MCMDC2: variants seen among roughly 807,000 people sequenced by gnomAD.
MCMDC2 encodes minichromosome maintenance domain containing 2.
In MCMDC2, 54 loss-of-function variants were observed where a neutral mutation model predicts 75.8. The observed-to-expected ratio is 0.71, with a 90% CI of 0.57 to 0.89. The LOEUF (loss-of-function observed/expected upper bound fraction) is 0.89. MCMDC2 is among the 40% of genes least tolerant of loss of function. MCMDC2 has a pLI of 0.00. For missense variants in MCMDC2, 656 were observed against 780.4 expected (o/e 0.84, Z 1.90); for synonymous variants, 249 against 274.6 (o/e 0.91, Z 0.92).
chr8:66,901,373 A>T, intron 13 of MCMDC2, 25 bp downstream of exon 13: 1 of 1,583,876 alleles, frequency 6.3e-7, no homozygotes, highest in Non-Finnish European at 8.6e-7. Flanking sequence ...CAAGATTTTA[A>T]AATCAGCATT....
chr8:66,915,055 C>G (rs185887529), intron 14 of MCMDC2, among the ~76,000 whole-genome samples: 24 of 152,204 alleles, frequency 1.6e-4, no homozygotes, highest in Admixed American at 4.6e-4. Flanking sequence ...ATAGGCTGAG[C>G]ACAGTGGCTC....
chr8:66,884,515 G>C (rs979055557), intron 9 of MCMDC2: 2 of 151,376 alleles, frequency 1.3e-5, no homozygotes, highest in Non-Finnish European at 2.9e-5. Flanking sequence ...TATTCACAAA[G>C]TTAGAAATAA....
At chr8:66,875,400 C>T (rs1383782220) in intron 4 of MCMDC2, among the ~76,000 whole-genome samples, 2 of 152,112 alleles carry the variant, frequency 1.3e-5, no homozygotes, top group Non-Finnish European at 1.5e-5. Context: ...CTGCCTCAGC[C>T]TCCCAAGTAG....
intron 9 of MCMDC2, among the ~76,000 whole-genome samples, chr8:66,885,973 T>C (rs1256867634): frequency 1.3e-5 from 2 of 152,200 alleles, no homozygotes; most frequent in African/African-American, 4.8e-5. Flanking sequence ...CATTTCATTA[T>C]ACGAATGTAC....
intron 13 of MCMDC2, among the ~76,000 whole-genome samples, chr8:66,902,848 G>A (rs1045417566): frequency 3.4e-5 from 5 of 148,688 alleles, no homozygotes; most frequent in African/African-American, 9.9e-5. Flanking sequence ...CTTAAAGCAC[G>A]GTAGTGCACA....
chr8:66,896,631 T>C, intron 11 of MCMDC2, 149 bp from the exon 12 acceptor site: 1 of 631,222 alleles, frequency 1.6e-6, no homozygotes, highest in Non-Finnish European at 2.2e-6. Context: ...GTTCCCAGAT[T>C]ATTAAAAAAT....
At chr8:66,912,866 G>A (rs1813169343) in intron 14 of MCMDC2, among the ~76,000 whole-genome samples, 1 of 151,938 alleles carries the variant, frequency 6.6e-6, no homozygotes. Flanking sequence ...AAACCACCAT[G>A]GCACGTGTAT....
chr8:66,878,748 T>C (rs773441495), intron 6 of MCMDC2, 52 bp downstream of exon 6: 1 of 1,456,326 alleles, frequency 6.9e-7, no homozygotes. Context: ...GTGTCTGATA[T>C]TTCAATATGG....
chr8:66,879,608 G>A (rs1811468037), intron 7 of MCMDC2, among the ~76,000 whole-genome samples: 1 of 152,064 alleles, frequency 6.6e-6, no homozygotes, highest in African/African-American at 2.4e-5. Flanking sequence ...AGAAAAAAAA[G>A]CAATTGACTT....
At chr8:66,925,948 C>T (rs1813704534), downstream of MCMDC2, among the ~76,000 whole-genome samples, 1 of 152,122 alleles carries the variant, frequency 6.6e-6, no homozygotes, top group South Asian at 2.1e-4. Flanking sequence ...GAGTTCGAGA[C>T]CAGCCTGGCC....
chr8:66,875,291 T>A (rs1343607473), intron 4 of MCMDC2, among the ~76,000 whole-genome samples: 1 of 152,178 alleles, frequency 6.6e-6, no homozygotes, highest in Non-Finnish European at 1.5e-5. Flanking sequence ...TCTTCTTTCT[T>A]TTTTTGAGAA....
At chr8:66,916,066 C>T (rs1215065842) in intron 14 of MCMDC2, among the ~76,000 whole-genome samples, 1 of 151,784 alleles carries the variant, frequency 6.6e-6, no homozygotes, top group Non-Finnish European at 1.5e-5. Flanking sequence ...ATGGAGACAG[C>T]ACACATAGAC....
Position 66,905,231 on chromosome 8 carries a change from T to G in MCMDC2, c.1775T>G (p.Phe592Cys). The change falls in exon 14 of 15, where the codon TTC becomes TGC. Residue 592 changes from phenylalanine to cysteine, a missense_variant. Phe to Cys is a radical substitution (Grantham distance 205, BLOSUM62 -2). Transcript: ENST00000422365. ...LSASALKYLV[F>C]LSEAHARLNL... is the part of the protein sequence containing the mutation. ...GCAACTATTTTCTTTTTTAGCGTTT[T>G]CCTATCTGAAGCCCATGCACGACTG... is the stretch of plus-strand genomic sequence containing the variant. The G allele has an allele frequency of 7.0e-7, 1 of 1,428,994 alleles. No homozygotes were observed. Among genetic ancestry groups the G allele is most frequent in the Non-Finnish European group, 9.2e-7 (1 of 1,089,132 alleles). The allele number at this position is 1,428,994 out of a possible 1,614,324, so 88.5% of individuals were successfully genotyped here. A position where few individuals can be genotyped will look rare whatever the true frequency, so the allele number is the denominator to read the frequency against.
intron 13 of MCMDC2, 52 bp from the exon 14 acceptor site, chr8:66,905,174 A>G (rs1218763559): frequency 1.1e-5 from 14 of 1,301,720 alleles, no homozygotes; most frequent in Non-Finnish European, 1.4e-5. Flanking sequence ...CAAAATATAT[A>G]TTATTTTTAT....
intron 9 of MCMDC2, 138 bp downstream of exon 9, chr8:66,884,132 A>C (rs1344665192): frequency 1.6e-6 from 1 of 612,186 alleles, no homozygotes; most frequent in Non-Finnish European, 2.8e-6. Context: ...CTTTATCAAT[A>C]AAATTCAAAA....
At chr8:66,906,432 A>G (rs554412976) in intron 14 of MCMDC2, among the ~76,000 whole-genome samples, 12 of 152,330 alleles carry the variant, frequency 7.9e-5, no homozygotes, top group African/African-American at 2.9e-4. Flanking sequence ...AAATTGTTCT[A>G]TAATTGTCTT....
rs1168781394 is a variant in MCMDC2 at position 66,916,460 on chromosome 8, C to A, written c.1880-2543C>A. On this transcript the variant is annotated intron_variant, in intron 14 of 14. Coordinates refer to ENST00000422365, the MANE Select transcript of MCMDC2 (RefSeq NM_173518.5). ...GTCCGAGGGAAACTCAGCAGGGTTGCCAGGCAGGTGATCGTTTGGAGTTAC... is the reference window on the plus strand; with the variant it reads ...GTCCGAGGGAAACTCAGCAGGGTTGACAGGCAGGTGATCGTTTGGAGTTAC... Among the ~76,000 whole-genome samples the A allele has an allele frequency of 5.9e-5, 9 of 152,034 alleles. 1 individual carries two copies. Among genetic ancestry groups the A allele is most frequent in the African/African-American group, 1.2e-4 (5 of 41,400 alleles).
chr8:66,891,782 AGCACAGGGTCTG>A (rs1345477183), intron 10 of MCMDC2, among the ~76,000 whole-genome samples: 2 of 152,198 alleles, frequency 1.3e-5, no homozygotes, highest in Non-Finnish European at 2.9e-5. Context: ...TGAGTGAGTA[AGCACAGGGTCTG>A]GCCACTGCAC....
At position 66,878,840 on chromosome 8, in the gene MCMDC2, C is replaced by T. The variant is rs1448266093; in HGVS notation, c.630C>T (p.Ala210=). The change falls in exon 7 of 15, where the codon GCC becomes GCT. Residue 210 remains alanine (A), a synonymous_variant. Transcript: ENST00000422365. ...LGDKQIVEII[A]TKALRAFQGY... ...ATAAACAAATAGTTGAAATAATTGC[C>T]ACAAAGGCACTTCGTGCTTTTCAAG... 7 of 1,605,470 alleles carry T rather than the reference C, an allele frequency of 4.4e-6. No individual in the cohort carries two copies. The highest frequency in any genetic ancestry group is 2.7e-5 in the African/African-American group (2 of 74,480).
Sources: gnomAD v4.1 joint callset for allele counts (sites outside exome capture counted in the v4.1 genomes callset) on GRCh38, gnomAD v4.1.1 for gene constraint, MANE v1.5 for transcripts, NCBI Gene and HGNC (gene_info 2026-07-23, HGNC 2026-07-21) for gene names.